Variants in SCMH1 observed in about 807,000 individuals in gnomAD.
SCMH1 encodes the protein polycomb protein SCMH1.
Under a neutral mutation model 70.8 loss-of-function variants are expected in SCMH1, and 37 were observed. The observed-to-expected ratio is 0.52, with a 90% confidence interval of 0.40 to 0.69. SCMH1 has a LOEUF of 0.69. Ranked by LOEUF, SCMH1 falls within the 30% of genes least tolerant of loss-of-function variation. The pLI is 0.00. For synonymous variants in SCMH1, 292 were observed against 307.4 expected, an observed-to-expected ratio of 0.95 and a Z score of 0.52; for missense variants, 607 against 827.3, an observed-to-expected ratio of 0.73 and a Z score of 3.27.
intron 8 of SCMH1, among the ~76,000 whole-genome samples, chr1:41,092,263 G>A (rs1005016151): frequency 1.3e-5 from 2 of 152,158 alleles, no homozygotes; most frequent in African/African-American, 4.8e-5. Flanking sequence ...AGAAAAACAA[G>A]AAATAGGGAA....
At chr1:41,074,802 G>C (rs1180210326) in intron 9 of SCMH1, among the ~76,000 whole-genome samples, 2 of 152,188 alleles carry the variant, frequency 1.3e-5, no homozygotes, top group Admixed American at 1.3e-4. Context: ...ACACAAGATA[G>C]AGAAGAGGGC....
At chr1:41,160,840 C>T (rs1645957670) in intron 4 of SCMH1, 35 bp downstream of exon 4, 1 of 1,540,878 alleles carries the variant, frequency 6.5e-7, no homozygotes, top group Non-Finnish European at 8.8e-7. Context: ...TACCAATTCC[C>T]CTTATTTAAC....
chr1:41,194,928 T>A (rs1652637263), intron 1 of SCMH1, among the ~76,000 whole-genome samples: 1 of 151,612 alleles, frequency 6.6e-6, no homozygotes, highest in Non-Finnish European at 1.5e-5. Context: ...GATCGGGAGT[T>A]CAAGTCCAGC....
chr1:41,209,632 T>C (rs1054660046), intron 1 of SCMH1, among the ~76,000 whole-genome samples: 43 of 152,214 alleles, frequency 2.8e-4, no homozygotes, highest in Admixed American at 1.1e-3. Flanking sequence ...ATTATCTCAA[T>C]AGATGCAGAA....
At chr1:41,148,019 T>C (rs948294271) in intron 5 of SCMH1, among the ~76,000 whole-genome samples, 2 of 152,200 alleles carry the variant, frequency 1.3e-5, no homozygotes, top group Non-Finnish European at 2.9e-5. Flanking sequence ...CATTTGATTA[T>C]TGATATAGCT....
chr1:41,078,440 G>A (rs979111651), intron 8 of SCMH1, among the ~76,000 whole-genome samples: 4 of 151,988 alleles, frequency 2.6e-5, no homozygotes, highest in Admixed American at 6.6e-5. Context: ...CAAAGAAAAC[G>A]ATACCAAAAC....
chr1:41,202,287 G>A (rs930472548), intron 1 of SCMH1, among the ~76,000 whole-genome samples: 1 of 151,484 alleles, frequency 6.6e-6, no homozygotes, highest in African/African-American at 2.4e-5. Flanking sequence ...GCCTGCCTTG[G>A]CCTCCCAAAG....
chr1:41,228,716 A>C (rs532397294), intron 1 of SCMH1, among the ~76,000 whole-genome samples: 96 of 151,884 alleles, frequency 6.3e-4, no homozygotes, highest in African/African-American at 2.2e-3. Flanking sequence ...CACTGCACTC[A>C]ACCTGGGTGA....
chr1:41,044,970 A>T (rs1646717619), intron 12 of SCMH1, among the ~76,000 whole-genome samples: 1 of 152,072 alleles, frequency 6.6e-6, no homozygotes, highest in African/African-American at 2.4e-5. Flanking sequence ...TTCTTTGAGA[A>T]ATCTCTTTTT....
intron 8 of SCMH1, among the ~76,000 whole-genome samples, chr1:41,099,358 T>G (rs1255410613): frequency 6.6e-6 from 1 of 152,144 alleles, no homozygotes; most frequent in East Asian, 1.9e-4. Flanking sequence ...AAAAGGGCCC[T>G]GGAATTTCCT....
At chr1:41,083,804 C>G (rs1243372507) in intron 8 of SCMH1, among the ~76,000 whole-genome samples, 1 of 148,062 alleles carries the variant, frequency 6.8e-6, no homozygotes, top group Admixed American at 6.7e-5. Flanking sequence ...CAGAACAGAG[C>G]CCTCAGAAAT....
At chr1:41,071,593 T>C (rs539158672) in intron 9 of SCMH1, among the ~76,000 whole-genome samples, 6 of 152,292 alleles carry the variant, frequency 3.9e-5, no homozygotes, top group African/African-American at 1.2e-4. Context: ...AAATCTATTA[T>C]TTCCCCTACA....
chr1:41,174,261 ATTT>A (rs140469563), intron 2 of SCMH1, among the ~76,000 whole-genome samples: 1 of 141,782 alleles, frequency 7.1e-6, no homozygotes. Context: ...AAAGTCTCCA[ATTT>A]TTTTTTTTTT....
chr1:41,075,363 A>G, exon 9 of SCMH1: 1 of 1,614,068 alleles, frequency 6.2e-7, no homozygotes. Flanking sequence ...GCCCTGGTTG[A>G]TGTTCCAAGA....
intron 9 of SCMH1, among the ~76,000 whole-genome samples, chr1:41,073,419 C>T (rs925879365): frequency 6.6e-6 from 1 of 152,168 alleles, no homozygotes; most frequent in African/African-American, 2.4e-5. Flanking sequence ...CTGGCCTTGG[C>T]ATCCTTAGGG....
chr1:41,048,208 ACT>A (rs1351163152), intron 11 of SCMH1, among the ~76,000 whole-genome samples: 1 of 152,346 alleles, frequency 6.6e-6, no homozygotes, highest in Admixed American at 6.5e-5. Flanking sequence ...ACTGAATCAA[ACT>A]CTCATAGCAG....
intron 6 of SCMH1, among the ~76,000 whole-genome samples, chr1:41,125,955 C>G (rs1673080983): frequency 6.6e-6 from 1 of 152,070 alleles, no homozygotes; most frequent in Non-Finnish European, 1.5e-5. Flanking sequence ...TTGGAAAATA[C>G]ATATGTATAT....
chr1:41,089,087 A>C (rs1662575894), intron 8 of SCMH1, among the ~76,000 whole-genome samples: 1 of 152,216 alleles, frequency 6.6e-6, no homozygotes, highest in East Asian at 1.9e-4. Flanking sequence ...GGCAGTGCTG[A>C]TGCTGCTGGT....
intron 6 of SCMH1, among the ~76,000 whole-genome samples, chr1:41,128,572 CTCT>C (rs1673814235): frequency 6.6e-6 from 1 of 152,042 alleles, no homozygotes; most frequent in South Asian, 2.1e-4. Flanking sequence ...TCTCTGGCTG[CTCT>C]TAAGACTTTT....
Sources: gnomAD v4.1 joint callset for allele counts (sites outside exome capture counted in the v4.1 genomes callset) on GRCh38, gnomAD v4.1.1 for gene constraint, MANE v1.5 for transcripts, NCBI Gene and HGNC (gene_info 2026-07-23, HGNC 2026-07-21) for gene names.